Variants in ROGDI observed in about 807,000 individuals in gnomAD.
ROGDI encodes the protein protein rogdi homolog.
A neutral mutation model predicts 43.1 loss-of-function variants in ROGDI; 46 were observed. The ratio of observed to expected loss-of-function variants is 1.07; its 90% CI spans 0.84 to 1.37. The LOEUF is 1.37. ROGDI is among the 40% of genes most tolerant of loss of function. The pLI is 0.00. For missense variants in ROGDI, 518 were observed against 383.9 expected (o/e 1.35, Z -2.92); for synonymous variants, 243 against 162.0 (o/e 1.50, Z -3.80).
rs774504818 is a variant in ROGDI at position 4,798,031 on chromosome 16, T to G, written c.645+40A>C. ...GACCCGTCAGGCCTTGCAGGGCGTG[T>G]GCATGGCGGGCAGTGGGCCGGGCAG... On this transcript the variant is annotated intron_variant, in intron 8 of 10. Coordinates refer to ENST00000322048, the MANE Select transcript of ROGDI (RefSeq NM_024589.3). The G allele has an allele frequency of 5.0e-6, 8 of 1,613,584 alleles. No individual in the cohort carries two copies. The East Asian group carries it at 1.6e-4, about 31-fold the overall frequency.
At position 4,800,862 on chromosome 16, in the gene ROGDI, C is replaced by T. The variant is rs1012316009; in HGVS notation, c.256-284G>A. The T allele has an allele frequency of 2.8e-5, 15 of 540,334 alleles. 1 individual carries two copies. Among genetic ancestry groups the T allele is most frequent in the South Asian group, 2.5e-4 (11 of 43,774 alleles). 33.5% of individuals were successfully genotyped at this position (540,334 alleles called of 1,614,324 possible). ...CAGCCTCTGTGAGGCTCTGTGCGAA[C>T]GGGGTGCATCTAGTGTCTACAAAGG... On this transcript the variant is annotated intron_variant, in intron 4 of 10. Coordinates refer to ENST00000322048, the MANE Select transcript of ROGDI (RefSeq NM_024589.3).
Position 4,800,539 on chromosome 16 carries a change from G to T in ROGDI, c.295C>A (p.His99Asn), listed in dbSNP as rs1360724721. Residue 99 changes from histidine (H) to asparagine (N), a missense_variant, in exon 5 of 11, where the codon CAC (histidine) becomes AAC (asparagine). By Grantham distance (68) the His-to-Asn change is moderately conservative. Coordinates refer to ENST00000322048, the MANE Select transcript of ROGDI (RefSeq NM_024589.3). Reference sequence around the variant, plus strand: ...TGCTTGTCCTCCCGGAAGGCGAAGTGCAGCAGCTGGTTGTTCCGGGGCATC... The same window carrying T: ...TGCTTGTCCTCCCGGAAGGCGAAGTTCAGCAGCTGGTTGTTCCGGGGCATC... ...LKMPRNNQLL[H>N]FAFREDKQWK... is the part of the protein sequence containing the mutation. The T allele has an allele frequency of 1.9e-6, 3 of 1,566,054 alleles. No homozygotes were observed. The highest frequency in any genetic ancestry group is 1.9e-5 in the Admixed American group (1 of 52,766).
chr16:4,802,029 G>C (rs1205804242), intron 2 of ROGDI: 1 of 583,826 alleles, frequency 1.7e-6, no homozygotes, highest in South Asian at 1.5e-5. Flanking sequence ...TTGCCAATGA[G>C]AAAAGGGAGG....
rs1362387884 is a variant in ROGDI, at chr16:4,798,574, G to C, written c.526C>G (p.Leu176Val). 1.3e-5 allele frequency: 21 copies of C among 1,556,340 alleles called. No homozygotes were observed. Among genetic ancestry groups the C allele is most frequent in the Non-Finnish European group, 1.8e-5 (21 of 1,156,452 alleles). ...GGGCTGGCAGGGGCACTGACCGTGA[G>C]GCCGCTGGCGGCGATCTCGGGGAGG... ...LTLPEIAASGLTRMFAPALPS... is the reference protein window; with the variant it reads ...LTLPEIAASGVTRMFAPALPS... The change falls in exon 7 of 11, where the codon CTC (leucine) becomes GTC (valine). Residue 176 changes from leucine to valine, a missense_variant. Coordinates refer to ENST00000322048, the MANE Select transcript of ROGDI (RefSeq NM_024589.3).
At chr16:4,801,459 C>T in intron 3 of ROGDI, 44 bp downstream of exon 3, 1 of 1,579,398 alleles carries the variant, frequency 6.3e-7, no homozygotes, top group South Asian at 1.1e-5. Flanking sequence ...CCTCCTACCC[C>T]CCAAGGTACC....
In ROGDI at chr16:4,802,518, G is replaced by C. The variant is rs1596281400; in HGVS notation, c.45+9C>G. ...CCCGCCGGCCCGCCCGCTGGCCCGC[G>C]CGCCTTACCAGCACCGCCCGCTCCG... On this transcript the variant is annotated intron_variant, in intron 1 of 10. Transcript: ENST00000322048. 9.0e-6 allele frequency: 11 copies of C among 1,219,126 alleles called. No individual in the cohort carries two copies. Among genetic ancestry groups the C allele is most frequent in the Non-Finnish European group, 1.1e-5 (11 of 981,312 alleles). 75.5% of individuals were successfully genotyped at this position (1,219,126 alleles called of 1,614,324 possible). A position where few individuals can be genotyped will look rare whatever the true frequency, so the allele number is the denominator to read the frequency against.
intron 6 of ROGDI, 28 bp from the exon 7 acceptor site, chr16:4,798,695 C>CGTCCT: frequency 6.6e-7 from 1 of 1,510,982 alleles, no homozygotes; most frequent in East Asian, 2.4e-5. Context: ...GTTGGCTCTG[C>CGTCCT]GTCCTCCCGT....
rs756917973 is a variant in ROGDI, at chr16:4,797,966, C to A, written c.667G>T (p.Ala223Ser). Reference protein sequence around the residue: ...STKNFRPAGGAVLHSPGAMFE... With the variant: ...STKNFRPAGGSVLHSPGAMFE... Reference sequence around the variant, plus strand: ...ATGGCCCCAGGGCTATGCAGCACCGCGCCCCCAGCTGGGCGGAAGTTCTAG... The same window carrying A: ...ATGGCCCCAGGGCTATGCAGCACCGAGCCCCCAGCTGGGCGGAAGTTCTAG... Residue 223 changes from alanine (A) to serine (S), a missense_variant, in exon 9 of 11, where the codon GCG (alanine) becomes TCG (serine). By Grantham distance (99) the Ala-to-Ser change is moderately conservative. Coordinates refer to ENST00000322048, the MANE Select transcript of ROGDI (RefSeq NM_024589.3). 4 of 1,606,094 alleles carry A rather than the reference C, an allele frequency of 2.5e-6. No homozygotes were observed. Among genetic ancestry groups the A allele is most frequent in the Non-Finnish European group, 3.4e-6 (4 of 1,174,896 alleles).
chr16:4,801,918 G>C lies in ROGDI; in HGVS notation c.118-333C>G, dbSNP rs1288333647. On this transcript the variant is annotated intron_variant, in intron 2 of 10. Transcript: ENST00000322048. ...CAAGGCAGTAGTTATGGTAACCCGC[G>C]GTCCTGGGCCACAGCAAGCACTACG... The C allele has an allele frequency of 1.4e-5, 8 of 561,030 alleles. No homozygotes were observed. In the African/African-American group the frequency reaches 1.5e-4, roughly 10 times the overall value. The allele number at this position is 561,030 out of a possible 1,614,324, so 34.8% of individuals were successfully genotyped here.
chr16:4,800,525 C>G lies in ROGDI; in HGVS notation c.309G>C (p.Arg103=), dbSNP rs1567601865. The change falls in exon 5 of 11, where the codon CGG becomes CGC. Residue 103 remains arginine, a synonymous_variant. Coordinates refer to ENST00000322048, the MANE Select transcript of ROGDI (RefSeq NM_024589.3). The part of the protein sequence containing the change: ...RNNQLLHFAF[R]EDKQWKLQQI... ...GCTGCAGCTTCCACTGCTTGTCCTCCCGGAAGGCGAAGTGCAGCAGCTGGT... is the reference window on the plus strand; with the variant it reads ...GCTGCAGCTTCCACTGCTTGTCCTCGCGGAAGGCGAAGTGCAGCAGCTGGT... 3 of 1,561,450 alleles carry G rather than the reference C, an allele frequency of 1.9e-6. No homozygotes were observed. The highest frequency in any genetic ancestry group is 1.4e-5 in the African/African-American group (1 of 73,684).
At chr16:4,798,226 C>A (rs1303971873) in intron 7 of ROGDI, 42 bp from the exon 8 acceptor site, 1 of 1,539,862 alleles carries the variant, frequency 6.5e-7, no homozygotes, top group Non-Finnish European at 8.9e-7. Context: ...AAGCCCCCAG[C>A]CCAGGCTGGA....
Position 4,798,640 on chromosome 16 carries a change from T to G in ROGDI, c.460A>C (p.Thr154Pro). ...KLMDAVMLQL[T>P]RARNRLTTPA... Reference sequence around the variant, plus strand: ...GTGGTGAGCCGGTTTCGGGCTCTGGTCAGCTGCAGCATCACTGCGTCCATC... The same window carrying G: ...GTGGTGAGCCGGTTTCGGGCTCTGGGCAGCTGCAGCATCACTGCGTCCATC... Residue 154 changes from threonine to proline, a missense_variant, in exon 7 of 11, where the codon ACC becomes CCC. Physicochemically the swap from Thr to Pro is conservative, Grantham distance 38. Coordinates refer to ENST00000322048, the MANE Select transcript of ROGDI (RefSeq NM_024589.3). 6 of 1,573,338 alleles carry G rather than the reference T, an allele frequency of 3.8e-6. No homozygotes were observed. The highest frequency in any genetic ancestry group is 5.2e-6 in the Non-Finnish European group (6 of 1,163,292).
At position 4,801,374 on chromosome 16, in the gene ROGDI, C is replaced by T. The variant is rs1473190268; in HGVS notation, c.201-53G>A. 5.1e-6 allele frequency: 8 copies of T among 1,580,278 alleles called. No homozygotes were observed. The Admixed American group carries it at 8.7e-5, about 17-fold the overall frequency. On this transcript the variant is annotated intron_variant, in intron 3 of 10. Transcript: ENST00000322048. ...CTGTGGTCACCCCCCCACCACCCAGCCCTCCCTCCCGGCGGGCTGCCCCTC... is the reference window on the plus strand; with the variant it reads ...CTGTGGTCACCCCCCCACCACCCAGTCCTCCCTCCCGGCGGGCTGCCCCTC...
In ROGDI at chr16:4,798,389, C is replaced by T. The variant is rs964020387; in HGVS notation, c.531+180G>A. ...AGGTTTGGGAACCACTAACCCGAAA[C>T]AGGGTTAACGTATTTTAGGGGCACA... is the stretch of plus-strand genomic sequence containing the variant. On this transcript the variant is annotated intron_variant, in intron 7 of 10. Transcript: ENST00000322048. The T allele has an allele frequency of 4.1e-5, 29 of 700,776 alleles. No individual in the cohort carries two copies. The African/African-American group carries it at 5.0e-4, about 12-fold the overall frequency. 43.4% of individuals were successfully genotyped at this position (700,776 alleles called of 1,614,324 possible).
chr16:4,801,328 CAT>C lies in ROGDI; in HGVS notation c.201-9_201-8del, dbSNP rs750077442. 58 of 1,603,556 alleles carry C rather than the reference CAT, an allele frequency of 3.6e-5. No individual in the cohort carries two copies. Among genetic ancestry groups the C allele is most frequent in the Non-Finnish European group, 4.2e-5 (49 of 1,172,606 alleles). The stretch of plus-strand genomic sequence containing the variant: ...ACCCTTCACCTGGTCTGTGCTGTAA[CAT>C]GTGGCGTCAGAGCGGTGCCTGTGGT... On this transcript the variant is annotated splice_polypyrimidine_tract_variant and splice_region_variant and intron_variant, in intron 3 of 10. Transcript: ENST00000322048.
intron 2 of ROGDI, 191 bp from the exon 3 acceptor site, chr16:4,801,776 G>C (rs2082725879): frequency 6.6e-6 from 4 of 609,058 alleles, no homozygotes; most frequent in Non-Finnish European, 1.2e-5. Context: ...CCCGATCTCT[G>C]CTTATACCAC....
Position 4,802,617 on chromosome 16 carries a change from T to C in ROGDI, c.-46A>G, listed in dbSNP as rs1167550842. ...CGCCCTCCCCACCGGCCGCTGCTCC[T>C]GTCCACCAATCTTTCTGTCCTCGGT... On this transcript the variant is annotated 5_prime_UTR_variant, in exon 1 of 11. Coordinates refer to ENST00000322048, the MANE Select transcript of ROGDI (RefSeq NM_024589.3). 4.7e-6 allele frequency: 6 copies of C among 1,283,154 alleles called. No individual in the cohort carries two copies. Among genetic ancestry groups the C allele is most frequent in the East Asian group, 3.1e-5 (1 of 32,294 alleles). 79.5% of individuals were successfully genotyped at this position (1,283,154 alleles called of 1,614,324 possible).
chr16:4,801,113 T>G, intron 4 of ROGDI, 154 bp downstream of exon 4: 1 of 589,956 alleles, frequency 1.7e-6, no homozygotes, highest in Non-Finnish European at 2.9e-6. Flanking sequence ...CGGGAGAAGG[T>G]GTGAGGGTTG....
chr16:4,799,012 G>C (rs373089262), intron 6 of ROGDI, among the ~76,000 whole-genome samples: 5 of 152,154 alleles, frequency 3.3e-5, no homozygotes, highest in South Asian at 2.1e-4. Context: ...GGGCCAGAGA[G>C]GGCTTCCTGG....
Sources: gnomAD v4.1 joint callset for allele counts (sites outside exome capture counted in the v4.1 genomes callset) on GRCh38, gnomAD v4.1.1 for gene constraint, MANE v1.5 for transcripts, NCBI Gene and HGNC (gene_info 2026-07-23, HGNC 2026-07-21) for gene names.